MAGI2: variants seen among roughly 807,000 people sequenced by gnomAD.
MAGI2 encodes membrane associated guanylate kinase, WW and PDZ domain containing 2.
In MAGI2, 35 loss-of-function variants were observed where a neutral mutation model predicts 133.3. The observed-to-expected ratio is 0.26, with a 90% CI of 0.20 to 0.35. The LOEUF is 0.35. Among genes scored for constraint, MAGI2 ranks in the 10% least tolerant of loss-of-function variants. The pLI, the probability that MAGI2 is intolerant of heterozygous loss-of-function variation, is 1.00. For synonymous variants in MAGI2, 729 were observed against 710.6 expected (o/e 1.03, Z -0.41); for missense variants, 1,636 against 1,863.4 (o/e 0.88, Z 2.25).
At chr7:78,612,205 G>A (rs1806527751) in intron 3 of MAGI2, among the ~76,000 whole-genome samples, 2 of 152,014 alleles carry the variant, frequency 1.3e-5, no homozygotes, top group African/African-American at 2.4e-5. Context: ...TGAGTAACTG[G>A]AAACCTGTAT....
At chr7:78,176,671 T>A (rs1489224440) in intron 14 of MAGI2, among the ~76,000 whole-genome samples, 1 of 152,028 alleles carries the variant, frequency 6.6e-6, no homozygotes, top group African/African-American at 2.4e-5. Flanking sequence ...CTGCCCAGGT[T>A]TTATTTTTAT....
chr7:79,237,847 G>A (rs899685399), intron 1 of MAGI2, among the ~76,000 whole-genome samples: 1 of 152,126 alleles, frequency 6.6e-6, no homozygotes, highest in African/African-American at 2.4e-5. Context: ...GATTTTAAGT[G>A]AAATGTCTTT....
rs923997894 is a variant in MAGI2 at position 78,666,455 on chromosome 7, G to C, written c.419-39216C>G. Among the ~76,000 whole-genome samples, 7 of 152,134 alleles carry C rather than the reference G, an allele frequency of 4.6e-5. No homozygotes were observed. The East Asian group carries it at 1.4e-3, about 29-fold the overall frequency. ...TTTGTTGCTCTTGTTGTTTTCTCTTGAGACCTGACAAAGTACCCCTTTGAA... is the reference window on the plus strand; with the variant it reads ...TTTGTTGCTCTTGTTGTTTTCTCTTCAGACCTGACAAAGTACCCCTTTGAA... On this transcript the variant is annotated intron_variant, in intron 2 of 21. Transcript: ENST00000354212.
rs76761349 is a variant in MAGI2 at position 78,818,297 on chromosome 7, G to A, written c.418+188793C>T. On this transcript the variant is annotated intron_variant, in intron 2 of 21. Coordinates refer to ENST00000354212, the MANE Select transcript of MAGI2 (RefSeq NM_012301.4). ...TTTTAGAGACTGAATTCCATTAAAC[G>A]TATTCCACAGAGGGAGGAAAGGCTG... Among the ~76,000 whole-genome samples, 1,287 of 152,132 alleles carry A rather than the reference G, an allele frequency of 8.5e-3. 14 individuals are homozygous for A. The highest frequency in any genetic ancestry group is 0.029 in the African/African-American group (1,215 of 41,494).
At chr7:79,134,362 C>A (rs912015213) in intron 1 of MAGI2, among the ~76,000 whole-genome samples, 1 of 152,154 alleles carries the variant, frequency 6.6e-6, no homozygotes, top group African/African-American at 2.4e-5. Flanking sequence ...ATCAAATTTT[C>A]ACTTTTCAGT....
intron 9 of MAGI2, among the ~76,000 whole-genome samples, chr7:78,340,285 C>G (rs1369709191): frequency 2.1e-5 from 1 of 46,598 alleles, no homozygotes; most frequent in Non-Finnish European, 5.4e-5. Flanking sequence ...TACACTATAC[C>G]AAGAAAAATT....
At chr7:78,528,910 T>C (rs924794057) in intron 3 of MAGI2, among the ~76,000 whole-genome samples, 2 of 152,154 alleles carry the variant, frequency 1.3e-5, no homozygotes, top group Non-Finnish European at 2.9e-5. Context: ...GAACAGTAAA[T>C]TTCTGAATTT....
intron 20 of MAGI2, among the ~76,000 whole-genome samples, chr7:78,094,334 A>T (rs146840189): frequency 6.6e-6 from 1 of 152,084 alleles, no homozygotes; most frequent in East Asian, 1.9e-4. Context: ...TCTTCCATTC[A>T]ATTTCTTGCA....
chr7:78,881,813 G>A (rs1459190116), intron 2 of MAGI2, among the ~76,000 whole-genome samples: 1 of 151,708 alleles, frequency 6.6e-6, no homozygotes, highest in East Asian at 1.9e-4. Flanking sequence ...TGTTAAGAAA[G>A]TTTATAGCCC....
chr7:79,415,278 T>G (rs1563202413), intron 1 of MAGI2: 1 of 152,178 alleles, frequency 6.6e-6, no homozygotes, highest in African/African-American at 2.4e-5. Flanking sequence ...CTTCCTGAAT[T>G]CAGGCTAATT....
intron 2 of MAGI2, among the ~76,000 whole-genome samples, chr7:78,987,814 T>G (rs1468974038): frequency 6.6e-6 from 1 of 151,942 alleles, no homozygotes; most frequent in African/African-American, 2.4e-5. Context: ...TTCTCTATAT[T>G]AAATATTTTA....
intron 2 of MAGI2, among the ~76,000 whole-genome samples, chr7:78,734,038 G>A (rs928607763): frequency 1.2e-4 from 19 of 152,216 alleles, no homozygotes; most frequent in African/African-American, 3.4e-4. Context: ...TATATGGATT[G>A]AACCTATTTT....
At position 78,128,939 on chromosome 7, in the gene MAGI2, C is replaced by T. The variant is rs554225587; in HGVS notation, c.3204-1523G>A. Reference sequence around the variant, plus strand: ...ACTTTGAATAAGATGCTTAACTATGCAAATGCATGCATTAAACAAAAGGAA... The same window carrying T: ...ACTTTGAATAAGATGCTTAACTATGTAAATGCATGCATTAAACAAAAGGAA... On this transcript the variant is annotated intron_variant, in intron 18 of 21. Transcript: ENST00000354212. Among the ~76,000 whole-genome samples, 28 of 152,282 alleles carry T rather than the reference C, an allele frequency of 1.8e-4. 1 individual carries two copies. Among genetic ancestry groups the T allele is most frequent in the African/African-American group, 6.5e-4 (27 of 41,564 alleles).
chr7:79,170,785 G>A (rs918571570), intron 1 of MAGI2, among the ~76,000 whole-genome samples: 3 of 151,926 alleles, frequency 2.0e-5, no homozygotes, highest in African/African-American at 7.2e-5. Context: ...TGGGATAAGG[G>A]GTTTGTCAGG....
chr7:78,535,457 A>T (rs1207151410), intron 3 of MAGI2, among the ~76,000 whole-genome samples: 1 of 152,202 alleles, frequency 6.6e-6, no homozygotes, highest in Non-Finnish European at 1.5e-5. Context: ...AAAAGTCTTG[A>T]GGTCAATGAG....
chr7:78,802,013 T>C (rs778363437), intron 2 of MAGI2, among the ~76,000 whole-genome samples: 27 of 152,338 alleles, frequency 1.8e-4, no homozygotes, highest in Non-Finnish European at 2.8e-4. Context: ...TCATTCATTC[T>C]GAATAATCCA....
chr7:79,181,692 A>G (rs1457157491), intron 1 of MAGI2, among the ~76,000 whole-genome samples: 1 of 152,014 alleles, frequency 6.6e-6, no homozygotes, highest in Admixed American at 6.5e-5. Flanking sequence ...TCTCTTCAGA[A>G]AATGGGATTT....
intron 1 of MAGI2, among the ~76,000 whole-genome samples, chr7:79,400,508 A>G (rs2129161855): frequency 6.6e-6 from 1 of 152,332 alleles, no homozygotes; most frequent in East Asian, 1.9e-4. Flanking sequence ...ATAGATGTAC[A>G]GAACAGCAGC....
intron 1 of MAGI2, among the ~76,000 whole-genome samples, chr7:79,367,710 C>T (rs1186831979): frequency 6.6e-6 from 1 of 151,498 alleles, no homozygotes; most frequent in Non-Finnish European, 1.5e-5. Flanking sequence ...ATTTGATTCA[C>T]CTAGTTTTCA....
Sources: gnomAD v4.1 joint callset for allele counts (sites outside exome capture counted in the v4.1 genomes callset) on GRCh38, gnomAD v4.1.1 for gene constraint, MANE v1.5 for transcripts, NCBI Gene and HGNC (gene_info 2026-07-23, HGNC 2026-07-21) for gene names.